The following NKD2 variants were observed in gnomAD, a reference collection of about 807,000 sequenced individuals.
NKD2 encodes the protein protein naked cuticle homolog 2.
NKD2 carries 43 observed loss-of-function variants against 34.8 expected under a neutral mutation model. The ratio of observed to expected loss-of-function variants is 1.24; its 90% CI spans 0.97 to 1.60. The LOEUF (loss-of-function observed/expected upper bound fraction) is 1.60. NKD2 is among the 40% of genes most tolerant of loss of function. The probability of loss-of-function intolerance (pLI) is 0.00; values close to 1 mark genes in which losing one functional copy is unlikely to be tolerated. For missense variants in NKD2, 675 were observed against 627.1 expected (o/e 1.08, Z -0.82); for synonymous variants, 278 against 265.1 (o/e 1.05, Z -0.47).
chr5:1,011,744 T>G (rs995847699), intron 3 of NKD2, among the ~76,000 whole-genome samples: 4 of 152,228 alleles, frequency 2.6e-5, no homozygotes, highest in Non-Finnish European at 2.9e-5. Context: ...TATTATTAAT[T>G]CCCTGTGAGC....
chr5:1,034,244 T>C lies in NKD2; in HGVS notation c.340T>C (p.Cys114Arg), dbSNP rs1332566822. 3 of 1,611,660 alleles carry C rather than the reference T, an allele frequency of 1.9e-6. No individual in the cohort carries two copies. The South Asian group carries it at 3.3e-5, about 18-fold the overall frequency. The change falls in exon 6 of 10, where the codon TGC becomes CGC. Residue 114 changes from cysteine (C) to arginine (R), a missense_variant. Transcript: ENST00000296849. ...CCACGTCCCCCCACAGGCACTCCAG[T>C]GCGATGTCTCGGTGGAGGAGGACGA... ...GQRLNIDALQ[C>R]DVSVEEDDRQ...
intron 9 of NKD2, chr5:1,036,745 G>C (rs778046138): frequency 5.6e-5 from 27 of 483,720 alleles, no homozygotes; most frequent in African/African-American, 4.3e-4. Flanking sequence ...GGAATCACCG[G>C]CTCAGTCAGC....
chr5:1,020,418 C>T (rs1579254046), intron 3 of NKD2, among the ~76,000 whole-genome samples: 1 of 152,126 alleles, frequency 6.6e-6, no homozygotes, highest in Admixed American at 6.5e-5. Flanking sequence ...GACACCTGCT[C>T]TCCACCCCCA....
At chr5:1,024,677 T>TA (rs1262845935) in intron 3 of NKD2, among the ~76,000 whole-genome samples, 1 of 71,438 alleles carries the variant, frequency 1.4e-5, no homozygotes. Flanking sequence ...TCCCACCCGC[T>TA]GTGGGCGTCC....
intron 3 of NKD2, among the ~76,000 whole-genome samples, chr5:1,012,596 C>T (rs983888209): frequency 6.6e-6 from 1 of 152,264 alleles, no homozygotes; most frequent in Non-Finnish European, 1.5e-5. Flanking sequence ...TTCACCTGCA[C>T]TGGCCTCTGG....
In NKD2 at chr5:1,037,859, A is replaced by G; in HGVS notation, c.842A>G (p.Gln281Arg). ...CCCCAGGGCAGGGCCTCGCACCTCC[A>G]GGCCCGGTCCCGCTCCCAGGAGCCA... ...QEPQGRASHL[Q>R]ARSRSQEPDT... The change falls in exon 10 of 10, where the codon CAG becomes CGG. Residue 281 changes from glutamine (Q) to arginine (R), a missense_variant. Coordinates refer to ENST00000296849, the MANE Select transcript of NKD2 (RefSeq NM_033120.4). 1 of 1,599,658 alleles carries G rather than the reference A, an allele frequency of 6.3e-7. No homozygotes were observed.
intron 3 of NKD2, among the ~76,000 whole-genome samples, chr5:1,021,383 CCCACCCACCCGTCCCAA>C (rs1756174926): frequency 8.2e-6 from 1 of 121,568 alleles, no homozygotes; most frequent in East Asian, 2.8e-4. Flanking sequence ...CACCCACCCA[CCCACCCACCCGTCCCAA>C]CCCCTGCCCC....
In NKD2 at chr5:1,009,187, G is replaced by A; in HGVS notation, c.34G>A (p.Ala12Thr). ...GKLQSKHAAA[A>T]RKRRESPEGD... is the part of the protein sequence containing the mutation. ...GTCCCGCCGTGCCGCAGCCGCCGCC[G>A]CCCGCAAGCGGAGAGAGAGCCCGGA... is the stretch of plus-strand genomic sequence containing the variant. The change falls in exon 2 of 10, where the codon GCC becomes ACC. Residue 12 changes from alanine (A) to threonine (T), a missense_variant. Transcript: ENST00000296849. The surrounding 1 kb of genome is among the most constrained non-coding windows in gnomAD (Gnocchi z 6.9). The A allele has an allele frequency of 1.8e-6, 1 of 558,296 alleles. No homozygotes were observed. The highest frequency in any genetic ancestry group is 3.0e-5 in the Admixed American group (1 of 33,720). The allele number at this position is 558,296 out of a possible 1,614,324, so 34.6% of individuals were successfully genotyped here.
intron 9 of NKD2, 100 bp from the exon 10 acceptor site, chr5:1,037,705 C>A (rs2150753538): frequency 3.9e-6 from 6 of 1,542,704 alleles, no homozygotes; most frequent in Non-Finnish European, 4.4e-6. Context: ...TCAGGTGGGA[C>A]CCCTGGCGCA....
intron 8 of NKD2, chr5:1,035,703 C>T: frequency 1.8e-6 from 1 of 548,866 alleles, no homozygotes; most frequent in Non-Finnish European, 3.2e-6. Context: ...GGGGCAGCAG[C>T]CACAGCGGCC....
At chr5:1,036,736 G>A in intron 9 of NKD2, 1 of 492,928 alleles carries the variant, frequency 2.0e-6, no homozygotes, top group Non-Finnish European at 4.0e-6. Flanking sequence ...TTTTAGGGTG[G>A]AATCACCGGC....
rs1401205863 is a variant in NKD2 at position 1,016,325 on chromosome 5, T to TAA, written c.141+6765_141+6766insAA. Among the ~76,000 whole-genome samples the TAA allele has an allele frequency of 5.3e-5, 8 of 152,366 alleles. No individual in the cohort carries two copies. The East Asian group carries it at 1.5e-3, about 29-fold the overall frequency. On this transcript the variant is annotated intron_variant, in intron 3 of 9. Coordinates refer to ENST00000296849, the MANE Select transcript of NKD2 (RefSeq NM_033120.4). ...TGGCAAATACTTGGCAGGGCACCCT[T>TAA]TGGCAGCCTTTCACGCTGGCGTGAA...
chr5:1,037,624 C>T (rs1355999711), intron 9 of NKD2, 181 bp from the exon 10 acceptor site: 4 of 1,535,804 alleles, frequency 2.6e-6, no homozygotes, highest in East Asian at 2.4e-5. Context: ...GGCAGGTCAC[C>T]CACAGTGGCC....
At chr5:1,016,051 G>A (rs951887294) in intron 3 of NKD2, among the ~76,000 whole-genome samples, 2 of 152,370 alleles carry the variant, frequency 1.3e-5, no homozygotes, top group East Asian at 3.9e-4. Context: ...GAACCATGGG[G>A]AGCAGAAGGC....
At chr5:1,032,740 C>T (rs1429947865) in intron 4 of NKD2, among the ~76,000 whole-genome samples, 1 of 152,236 alleles carries the variant, frequency 6.6e-6, no homozygotes, top group African/African-American at 2.4e-5. Context: ...GGCACCCACA[C>T]CCCCTCAGTG....
In NKD2 at chr5:1,032,182, C is replaced by A; in HGVS notation, c.172C>A (p.Pro58Thr). 1 of 1,610,078 alleles carries A rather than the reference C, an allele frequency of 6.2e-7. No individual in the cohort carries two copies. Among genetic ancestry groups the A allele is most frequent in the African/African-American group, 1.3e-5 (1 of 74,836 alleles). ...ELPNGDPKEG[P>T]FREDQCPLQV... ...GCCCAATGGGGACCCCAAGGAGGGG[C>A]CTTTCCGGGAGGACCAGTGTCCCCT... is the stretch of plus-strand genomic sequence containing the variant. The change falls in exon 4 of 10, where the codon CCT becomes ACT. Residue 58 changes from proline (P) to threonine (T), a missense_variant. Transcript: ENST00000296849.
chr5:1,013,119 A>G (rs1291752532), intron 3 of NKD2, among the ~76,000 whole-genome samples: 1 of 152,180 alleles, frequency 6.6e-6, no homozygotes, highest in Non-Finnish European at 1.5e-5. Context: ...CCAGCTCTGC[A>G]TTTGGGGGTG....
intron 3 of NKD2, among the ~76,000 whole-genome samples, chr5:1,010,761 C>A (rs1358320005): frequency 3.3e-5 from 5 of 152,166 alleles, no homozygotes; most frequent in African/African-American, 1.2e-4. Flanking sequence ...CACTTAGCAG[C>A]CAGGTGCTCC....
Position 1,033,401 on chromosome 5 carries a change from C to G in NKD2, c.232C>G (p.Arg78Gly). ...VALPAEKAEG[R>G]EHPGQLLSAD... is the part of the protein sequence containing the mutation. Reference sequence around the variant, plus strand: ...ACTCCCCGCTGAGAAAGCTGAGGGCCGCGAGCACCCGGGACAACTCCTCAG... The same window carrying G: ...ACTCCCCGCTGAGAAAGCTGAGGGCGGCGAGCACCCGGGACAACTCCTCAG... Residue 78 changes from arginine (R) to glycine (G), a missense_variant, in exon 5 of 10, where the codon CGC (arginine) becomes GGC (glycine). Arg to Gly is a moderately radical substitution (Grantham distance 125). Transcript: ENST00000296849. 6.3e-7 allele frequency: 1 copy of G among 1,598,366 alleles called. No individual in the cohort carries two copies. Among genetic ancestry groups the G allele is most frequent in the Non-Finnish European group, 8.5e-7 (1 of 1,173,296 alleles).
Sources: allele counts gnomAD v4.1 joint callset (sites outside exome capture counted in the v4.1 genomes callset), GRCh38; gene constraint gnomAD v4.1.1; non-coding constraint Gnocchi (gnomAD v3.1); transcripts MANE v1.5; gene names NCBI Gene and HGNC (gene_info 2026-07-23, HGNC 2026-07-21).